The following COL4A2 variants were observed in gnomAD, a reference collection of about 807,000 sequenced individuals.
COL4A2 encodes collagen type IV alpha 2 chain.
In COL4A2, 99 loss-of-function variants were observed where a neutral mutation model predicts 200.2. The observed-to-expected ratio is 0.49, with a 90% confidence interval of 0.42 to 0.58. The LOEUF is 0.58. Among genes scored for constraint, COL4A2 ranks in the 20% least tolerant of loss-of-function variants. The probability of loss-of-function intolerance (pLI) is 0.00; values close to 1 mark genes in which losing one functional copy is unlikely to be tolerated. For synonymous variants in COL4A2, 897 were observed against 900.6 expected, an observed-to-expected ratio of 1.00 and a Z score of 0.07; for missense variants, 1,950 against 2,314.1, an observed-to-expected ratio of 0.84 and a Z score of 3.23.
chr13:110,368,137 A>G (rs1165599870), intron 4 of COL4A2, among the ~76,000 whole-genome samples: 1 of 152,230 alleles, frequency 6.6e-6, no homozygotes, highest in Non-Finnish European at 1.5e-5. Context: ...CCAGCCCCGT[A>G]TTCAGGAAGG....
At chr13:110,486,228 A>T (rs929561861) in intron 34 of COL4A2, among the ~76,000 whole-genome samples, 1 of 152,170 alleles carries the variant, frequency 6.6e-6, no homozygotes, top group Non-Finnish European at 1.5e-5. Flanking sequence ...CTGGCTTCCC[A>T]TCCGGGCCAC....
intron 3 of COL4A2, among the ~76,000 whole-genome samples, chr13:110,334,022 T>A (rs1484644593): frequency 6.6e-6 from 1 of 152,216 alleles, no homozygotes; most frequent in African/African-American, 2.4e-5. Context: ...GCTGGCCCCA[T>A]GCTCCTGCTG....
chr13:110,343,515 G>A (rs1876557326), intron 3 of COL4A2, among the ~76,000 whole-genome samples: 1 of 152,300 alleles, frequency 6.6e-6, no homozygotes, highest in Non-Finnish European at 1.5e-5. Context: ...AAAGGGCGGG[G>A]CAGAAATTCA....
chr13:110,416,143 C>T (rs937452497), intron 4 of COL4A2, among the ~76,000 whole-genome samples: 4 of 152,258 alleles, frequency 2.6e-5, no homozygotes, highest in African/African-American at 7.2e-5. Flanking sequence ...GCACAGCATC[C>T]GTAACCTCTT....
chr13:110,382,198 C>T lies in COL4A2; in HGVS notation c.180+24646C>T, dbSNP rs573238445. ...TACTAAACCTCTCCATTCCAAATGTCTTCAAACAAAGCAATTATGGTGGAC... is the reference window on the plus strand; with the variant it reads ...TACTAAACCTCTCCATTCCAAATGTTTTCAAACAAAGCAATTATGGTGGAC... On this transcript the variant is annotated intron_variant, in intron 4 of 47. Transcript: ENST00000360467. Among the ~76,000 whole-genome samples the T allele has an allele frequency of 2.6e-5, 4 of 152,326 alleles. No individual in the cohort carries two copies. In the East Asian group the frequency reaches 7.7e-4, roughly 29 times the overall value.
rs1251741952 is a variant in COL4A2 at position 110,449,795 on chromosome 13, G to A, written c.1189+6G>A. On this transcript the variant is annotated splice_donor_region_variant and intron_variant, in intron 19 of 47. Coordinates refer to ENST00000360467, the MANE Select transcript of COL4A2 (RefSeq NM_001846.4). ...CCTCTCCATCGGAGATGGAGGTAAT[G>A]TGGCTTCATAATATCAACACCGGAG... is the stretch of plus-strand genomic sequence containing the variant. 4.5e-6 allele frequency: 7 copies of A among 1,546,828 alleles called. No individual in the cohort carries two copies. The African/African-American group carries it at 8.2e-5, about 18-fold the overall frequency.
In COL4A2 at chr13:110,477,414, G is replaced by A. The variant is rs115654956; in HGVS notation, c.2426-589G>A. 3.2e-3 allele frequency among the ~76,000 whole-genome samples: 481 copies of A among 152,328 alleles called. 2 individuals carry two copies. Among genetic ancestry groups the A allele is most frequent in the African/African-American group, 0.011 (451 of 41,580 alleles). On this transcript the variant is annotated intron_variant, in intron 29 of 47. Coordinates refer to ENST00000360467, the MANE Select transcript of COL4A2 (RefSeq NM_001846.4). ...ATGGGTTTAGACTTTCTGAATCAGT[G>A]CGATGTATCTTTTAAACAACATTAA...
At chr13:110,430,667 G>A (rs1263662711) in intron 10 of COL4A2, 60 bp downstream of exon 10, 1 of 1,607,498 alleles carries the variant, frequency 6.2e-7, no homozygotes, top group African/African-American at 1.3e-5. Flanking sequence ...CCTTCCAGAT[G>A]CCACTTCTTC....
chr13:110,308,261 G>C (rs537383480), intron 3 of COL4A2, 138 bp downstream of exon 3: 15 of 947,326 alleles, frequency 1.6e-5, no homozygotes, highest in Non-Finnish European at 2.4e-5. Context: ...GCCCACCAAG[G>C]TTCTGAGAAA....
At chr13:110,370,984 C>T (rs1344899807) in intron 4 of COL4A2, among the ~76,000 whole-genome samples, 1 of 152,190 alleles carries the variant, frequency 6.6e-6, no homozygotes, top group Non-Finnish European at 1.5e-5. Context: ...TGGAAATGAA[C>T]TCCTTAATTC....
chr13:110,474,426 G>C (rs1217175188), intron 29 of COL4A2, among the ~76,000 whole-genome samples: 2 of 152,214 alleles, frequency 1.3e-5, no homozygotes, highest in Non-Finnish European at 2.9e-5. Context: ...TTGGGACCCA[G>C]GACAGGGGAG....
intron 6 of COL4A2, 23 bp downstream of exon 6, chr13:110,425,020 A>G (rs1376511939): frequency 6.2e-7 from 1 of 1,611,814 alleles, no homozygotes; most frequent in African/African-American, 1.3e-5. Context: ...GAAGACTGGA[A>G]TTTTAAAACA....
At chr13:110,510,656 G>A (rs1478652471) in intron 47 of COL4A2, among the ~76,000 whole-genome samples, 1 of 151,944 alleles carries the variant, frequency 6.6e-6, no homozygotes, top group East Asian at 1.9e-4. Flanking sequence ...TTGTGTGTGT[G>A]CATGAGTGTA....
At chr13:110,439,591 G>T (rs1043301403) in intron 15 of COL4A2, among the ~76,000 whole-genome samples, 198 bp from the exon 16 acceptor site, 1 of 152,288 alleles carries the variant, frequency 6.6e-6, no homozygotes, top group South Asian at 2.1e-4. Context: ...CCACAACTTT[G>T]TAAAGGGGAA....
At position 110,430,535 on chromosome 13, in the gene COL4A2, C is replaced by G; in HGVS notation, c.586-10C>G. Reference sequence around the variant, plus strand: ...TCTCTTAAAAACATTCTCCCGCTGCCTATCCATAGGGACCTCCCGGCCGCC... The same window carrying G: ...TCTCTTAAAAACATTCTCCCGCTGCGTATCCATAGGGACCTCCCGGCCGCC... On this transcript the variant is annotated splice_polypyrimidine_tract_variant and intron_variant, in intron 9 of 47. Transcript: ENST00000360467. 1 of 1,614,232 alleles carries G rather than the reference C, an allele frequency of 6.2e-7. No individual in the cohort carries two copies. The highest frequency in any genetic ancestry group is 8.5e-7 in the Non-Finnish European group (1 of 1,180,048).
intron 45 of COL4A2, 132 bp downstream of exon 45, chr13:110,504,396 T>C: frequency 1.4e-6 from 1 of 705,718 alleles, no homozygotes. Context: ...ACCCTCCTGC[T>C]CCTAATCTGG....
intron 22 of COL4A2, chr13:110,459,275 C>T (rs1358276294): frequency 4.5e-6 from 1 of 220,114 alleles, no homozygotes; most frequent in Admixed American, 5.1e-5. Context: ...CCAATGTTCA[C>T]AGCAGCATTC....
At chr13:110,344,772 C>T (rs930311254) in intron 3 of COL4A2, among the ~76,000 whole-genome samples, 1 of 152,260 alleles carries the variant, frequency 6.6e-6, no homozygotes, top group Non-Finnish European at 1.5e-5. Flanking sequence ...GTAGCAGTCT[C>T]AGCACTTCCT....
In COL4A2 at chr13:110,445,841, C is replaced by A; in HGVS notation, c.970C>A (p.Leu324Met). 6.2e-7 allele frequency: 1 copy of A among 1,614,144 alleles called. No individual in the cohort carries two copies. The highest frequency in any genetic ancestry group is 8.5e-7 in the Non-Finnish European group (1 of 1,180,010). The change falls in exon 17 of 48, where the codon CTG becomes ATG. Residue 324 changes from leucine to methionine, a missense_variant. By Grantham distance (15) the Leu-to-Met change is conservative. Coordinates refer to ENST00000360467, the MANE Select transcript of COL4A2 (RefSeq NM_001846.4). ...ATCTTTCTTGCAGGGAAGCCGAGGC[C>A]TGGATGGCTATCAAGGGCCTGATGG... ...GSPGQKGSRG[L>M]DGYQGPDGPR...
Sources: allele counts gnomAD v4.1 joint callset (sites outside exome capture counted in the v4.1 genomes callset), GRCh38; gene constraint gnomAD v4.1.1; transcripts MANE v1.5; gene names NCBI Gene and HGNC (gene_info 2026-07-23, HGNC 2026-07-21).